ITGB3BP: variants seen among roughly 807,000 people sequenced by gnomAD.
ITGB3BP encodes integrin subunit beta 3 binding protein, also known as centromere protein R.
ITGB3BP carries 27 observed loss-of-function variants against 29.1 expected under a neutral mutation model. That is an observed-to-expected ratio of 0.93 (90% CI 0.68 to 1.28). ITGB3BP has a LOEUF of 1.28. ITGB3BP is among the 50% of genes most tolerant of loss of function. The probability of loss-of-function intolerance (pLI) is 0.00; values close to 1 mark genes in which losing one functional copy is unlikely to be tolerated. For synonymous variants in ITGB3BP, 61 were observed against 61.4 expected, an observed-to-expected ratio of 0.99 and a Z score of 0.03; for missense variants, 192 against 200.2, an observed-to-expected ratio of 0.96 and a Z score of 0.25.
chr1:63,510,109 G>A, intron 1 of ITGB3BP: 1 of 635,474 alleles, frequency 1.6e-6, no homozygotes, highest in Non-Finnish European at 2.9e-6. Flanking sequence ...AGAATCGCTT[G>A]AACGCGGGAA....
intron 4 of ITGB3BP, among the ~76,000 whole-genome samples, chr1:63,476,880 CT>C (rs1422335018): frequency 6.6e-6 from 1 of 152,088 alleles, no homozygotes; most frequent in African/African-American, 2.4e-5. Flanking sequence ...ATAATTTGAA[CT>C]TTTTCCTGTG....
chr1:63,486,678 G>A (rs1324135507), intron 3 of ITGB3BP, among the ~76,000 whole-genome samples: 1 of 151,936 alleles, frequency 6.6e-6, no homozygotes, highest in African/African-American at 2.4e-5. Flanking sequence ...TTCTTGTAAT[G>A]TCATGATTTT....
At chr1:63,498,127 G>A (rs12751860) in intron 2 of ITGB3BP, among the ~76,000 whole-genome samples, 29,750 of 151,948 alleles carry the variant, frequency 0.2, 3,205 homozygotes, top group African/African-American at 0.29. Flanking sequence ...TCAATTCCCC[G>A]CATTCAATAA....
chr1:63,475,242 G>T (rs1341668192), intron 4 of ITGB3BP, among the ~76,000 whole-genome samples: 1 of 152,172 alleles, frequency 6.6e-6, no homozygotes, highest in Non-Finnish European at 1.5e-5. Flanking sequence ...TTCCCAAAGA[G>T]CTAGGATTAC....
intron 2 of ITGB3BP, among the ~76,000 whole-genome samples, chr1:63,500,175 C>T (rs1017457020): frequency 1.3e-5 from 2 of 152,068 alleles, no homozygotes; most frequent in African/African-American, 2.4e-5. Flanking sequence ...GTCAGGAGTT[C>T]GAGGCCAGCC....
chr1:63,511,979 T>A, intron 1 of ITGB3BP, among the ~76,000 whole-genome samples: 1 of 152,158 alleles, frequency 6.6e-6, no homozygotes, highest in South Asian at 2.1e-4. Flanking sequence ...AATAGATAAT[T>A]TTTTTAAAGG....
At chr1:63,522,423 T>TTTCAGG (rs1646473390) in intron 1 of ITGB3BP, among the ~76,000 whole-genome samples, 1 of 152,154 alleles carries the variant, frequency 6.6e-6, no homozygotes, top group African/African-American at 2.4e-5. Context: ...TTACAGGTGT[T>TTTCAGG]TGATATCCAC....
chr1:63,490,058 A>G (rs757154733), intron 3 of ITGB3BP, 25 bp downstream of exon 3: 1 of 1,597,196 alleles, frequency 6.3e-7, no homozygotes, highest in East Asian at 2.2e-5. Context: ...ACCTTACAAT[A>G]AGTAGAAAAG....
chr1:63,497,312 AT>A lies in ITGB3BP; in HGVS notation c.49-7095del, dbSNP rs552353384. ...AGAATGAGATCCCTATTCTAAAAAA[AT>A]AAAATAAAACAAAAAATCCTTAACT... is the stretch of plus-strand genomic sequence containing the variant. On this transcript the variant is annotated intron_variant, in intron 2 of 8. Coordinates refer to ENST00000271002, the MANE Select transcript of ITGB3BP (RefSeq NM_014288.5). 1.8e-3 allele frequency among the ~76,000 whole-genome samples: 276 copies of A among 152,290 alleles called. 1 individual carries two copies. The highest frequency in any genetic ancestry group is 6.5e-3 in the African/African-American group (270 of 41,562).
At chr1:63,485,085 A>G (rs931126750) in intron 3 of ITGB3BP, among the ~76,000 whole-genome samples, 41 of 151,994 alleles carry the variant, frequency 2.7e-4, no homozygotes, top group Admixed American at 2.4e-3. Context: ...CTATTCCTTC[A>G]GATTTAATTG....
chr1:63,523,815 C>T (rs1289479123), upstream of ITGB3BP, among the ~76,000 whole-genome samples: 1 of 152,128 alleles, frequency 6.6e-6, no homozygotes, highest in Admixed American at 6.5e-5. Context: ...GAGATGGTGC[C>T]CGAGATTACC....
chr1:63,459,029 T>A (rs1644975199), intron 4 of ITGB3BP, among the ~76,000 whole-genome samples: 1 of 152,110 alleles, frequency 6.6e-6, no homozygotes, highest in Non-Finnish European at 1.5e-5. Flanking sequence ...TAACCCTGGA[T>A]GTCCCTATTT....
chr1:63,482,742 C>T (rs1189606354), intron 3 of ITGB3BP, among the ~76,000 whole-genome samples: 2 of 151,782 alleles, frequency 1.3e-5, no homozygotes, highest in South Asian at 2.1e-4. Context: ...CAACCTCCGC[C>T]TCCCGGGTTC....
intron 1 of ITGB3BP, among the ~76,000 whole-genome samples, chr1:63,517,041 G>T (rs1482194147): frequency 3.3e-5 from 5 of 151,592 alleles, no homozygotes; most frequent in Non-Finnish European, 5.9e-5. Flanking sequence ...CTCAAAAAAA[G>T]AAAGTACAAA....
In ITGB3BP at chr1:63,441,116, AAAGAT is replaced by A. The variant is rs1234278848; in HGVS notation, c.*2-18_*2-14del. The stretch of plus-strand genomic sequence containing the variant: ...TTCTTCTTAATGCCTGTGAGATATA[AAAGAT>A]AATTATATTATCAAGAATTAGTTAA... On this transcript the variant is annotated splice_polypyrimidine_tract_variant and intron_variant, in intron 8 of 8. Coordinates refer to ENST00000271002, the MANE Select transcript of ITGB3BP (RefSeq NM_014288.5). 1 of 152,394 alleles carries A rather than the reference AAAGAT, an allele frequency of 6.6e-6. No individual in the cohort carries two copies. The highest frequency in any genetic ancestry group is 1.5e-5 in the Non-Finnish European group (1 of 68,042). 9.4% of individuals were successfully genotyped at this position (152,394 alleles called of 1,614,324 possible).
At chr1:63,470,021 C>T (rs1378806026) in intron 4 of ITGB3BP, among the ~76,000 whole-genome samples, 2 of 152,366 alleles carry the variant, frequency 1.3e-5, no homozygotes, top group East Asian at 3.9e-4. Flanking sequence ...GCCTTAAGGA[C>T]ATGCTCCTGC....
chr1:63,465,432 T>C (rs1338939720), intron 4 of ITGB3BP, among the ~76,000 whole-genome samples: 2 of 152,160 alleles, frequency 1.3e-5, no homozygotes, highest in Admixed American at 1.3e-4. Flanking sequence ...TTTTTTCTTT[T>C]TTTTTTTCTT....
chr1:63,515,918 A>G (rs939230253), intron 1 of ITGB3BP, among the ~76,000 whole-genome samples: 10 of 152,060 alleles, frequency 6.6e-5, no homozygotes, highest in Middle Eastern at 3.4e-3. Flanking sequence ...TTATATCAAA[A>G]AGACAAATGT....
At chr1:63,501,906 T>C (rs936295555) in intron 2 of ITGB3BP, among the ~76,000 whole-genome samples, 2 of 151,154 alleles carry the variant, frequency 1.3e-5, no homozygotes, top group Non-Finnish European at 2.9e-5. Flanking sequence ...TGGAGTACCC[T>C]TGACTGGATA....
Sources: gnomAD v4.1 joint callset for allele counts (sites outside exome capture counted in the v4.1 genomes callset) on GRCh38, gnomAD v4.1.1 for gene constraint, MANE v1.5 for transcripts, NCBI Gene and HGNC (gene_info 2026-07-23, HGNC 2026-07-21) for gene names.